GARNL3: variants seen among roughly 807,000 people sequenced by gnomAD.
GARNL3 encodes GTPase-activating Rap/Ran-GAP domain-like protein 3.
In GARNL3, 63 loss-of-function variants were observed where a neutral mutation model predicts 125.0. The ratio of observed to expected loss-of-function variants is 0.50; its 90% CI spans 0.41 to 0.62. The LOEUF is 0.62. Ranked by LOEUF, GARNL3 falls within the 20% of genes least tolerant of loss-of-function variation. The probability of loss-of-function intolerance (pLI) is 0.00; values close to 1 mark genes in which losing one functional copy is unlikely to be tolerated. For synonymous variants in GARNL3, 439 were observed against 457.5 expected (o/e 0.96, Z 0.52); for missense variants, 994 against 1,244.0 (o/e 0.80, Z 3.02).
intron 19 of GARNL3, among the ~76,000 whole-genome samples, 168 bp from the exon 20 acceptor site, chr9:127,355,129 C>G (rs1830619413): frequency 6.6e-6 from 1 of 152,208 alleles, no homozygotes; most frequent in African/African-American, 2.4e-5. Flanking sequence ...GTAACTCAAC[C>G]TAATTTTAAT....
chr9:127,340,571 C>G (rs1458103725), intron 13 of GARNL3, among the ~76,000 whole-genome samples: 3 of 151,408 alleles, frequency 2.0e-5, no homozygotes, highest in African/African-American at 7.3e-5. Context: ...CTGTCCCCAC[C>G]TGCAACTCCT....
intron 1 of GARNL3, among the ~76,000 whole-genome samples, chr9:127,267,882 T>C (rs2063737165): frequency 6.6e-6 from 1 of 152,210 alleles, no homozygotes; most frequent in South Asian, 2.1e-4. Context: ...ATTGAAATTT[T>C]AGCATGAACT....
rs75828652 is a variant in GARNL3, at chr9:127,311,813, T to C, written c.319+78T>C. On this transcript the variant is annotated intron_variant, in intron 3 of 27. Transcript: ENST00000373387. ...AGTGTTCATATAACTTCTGGTATCC[T>C]ATATGAGTGAAACTAGCCATTTTAG... is the stretch of plus-strand genomic sequence containing the variant. 1,223 of 975,684 alleles carry C rather than the reference T, an allele frequency of 1.3e-3. 12 individuals are homozygous for C. In the African/African-American group the frequency reaches 0.017, roughly 14 times the overall value. The allele number at this position is 975,684 out of a possible 1,614,324, so 60.4% of individuals were successfully genotyped here.
At chr9:127,243,325 A>G (rs1399374399) in intron 2 of GARNL3, 1 of 1,226,216 alleles carries the variant, frequency 8.2e-7, no homozygotes, top group Non-Finnish European at 1.1e-6. Context: ...ATGTTTAGGA[A>G]GAATATACTT....
chr9:127,340,322 A>T (rs1157493290), intron 13 of GARNL3, among the ~76,000 whole-genome samples: 1 of 152,152 alleles, frequency 6.6e-6, no homozygotes, highest in Non-Finnish European at 1.5e-5. Context: ...CTGAGGCCAC[A>T]TCTCTTAAAG....
chr9:127,373,906 C>T (rs535971705), intron 22 of GARNL3, among the ~76,000 whole-genome samples: 5 of 152,128 alleles, frequency 3.3e-5, no homozygotes, highest in African/African-American at 7.2e-5. Context: ...CTTGGGAGAC[C>T]GAGGCACAAG....
rs528558239 is a variant in GARNL3, at chr9:127,332,454, C to T, written c.670+105C>T. The stretch of plus-strand genomic sequence containing the variant: ...GTCTGTTGAGTTGGAGTCTTTAATA[C>T]GAGGAGATAGTTTTACACAATTTCA... On this transcript the variant is annotated intron_variant, in intron 8 of 27. Transcript: ENST00000373387. 3.6e-4 allele frequency: 301 copies of T among 840,098 alleles called. 2 individuals carry two copies. Among genetic ancestry groups the T allele is most frequent in the South Asian group, 6.1e-4 (40 of 65,058 alleles). 52.0% of individuals were successfully genotyped at this position (840,098 alleles called of 1,614,324 possible).
chr9:127,318,718 G>A (rs2065309787), intron 5 of GARNL3, among the ~76,000 whole-genome samples: 1 of 152,130 alleles, frequency 6.6e-6, no homozygotes. Flanking sequence ...CTCCCCTAGG[G>A]AATGCCGCCA....
chr9:127,384,981 G>A lies in GARNL3; in HGVS notation c.2270-46G>A. ...ATGACACAGTCACAGCCCCTTCGCG[G>A]CCACCAAGCCAGCAGCTGGGAGGTG... On this transcript the variant is annotated intron_variant, in intron 23 of 27. Coordinates refer to ENST00000373387, the MANE Select transcript of GARNL3 (RefSeq NM_032293.5). The surrounding 1 kb of genome is among the most constrained non-coding windows in gnomAD (Gnocchi z 4.0). 8.1e-7 allele frequency: 1 copy of A among 1,231,002 alleles called. No homozygotes were observed. The highest frequency in any genetic ancestry group is 1.2e-6 in the Non-Finnish European group (1 of 851,040). 76.3% of individuals were successfully genotyped at this position (1,231,002 alleles called of 1,614,324 possible).
intron 16 of GARNL3, among the ~76,000 whole-genome samples, chr9:127,348,292 C>T (rs1248041868): frequency 6.6e-6 from 1 of 152,158 alleles, no homozygotes; most frequent in African/African-American, 2.4e-5. Context: ...TAAGGCTCCC[C>T]CTTTATGCCT....
rs145176400 is a variant in GARNL3 at position 127,239,905 on chromosome 9, C to T, written c.-28-3174C>T. On this transcript the variant is annotated intron_variant, in intron 1 of 10. Transcript: ENST00000439286. Reference sequence around the variant, plus strand: ...GAGAGAAAAGGTTTAAAAAGGCTAGCCTTTCAAATTTTTAATAAAATCTTA... The same window carrying T: ...GAGAGAAAAGGTTTAAAAAGGCTAGTCTTTCAAATTTTTAATAAAATCTTA... Among the ~76,000 whole-genome samples the T allele has an allele frequency of 8.9e-3, 1,345 of 151,906 alleles. 27 individuals are homozygous for T. Among genetic ancestry groups the T allele is most frequent in the African/African-American group, 0.03 (1,255 of 41,400 alleles).
chr9:127,371,382 G>A lies in GARNL3; in HGVS notation c.2161+6016G>A, dbSNP rs149767171. ...CCTTCCTCTGCCTTCCTTCACGTAG[G>A]AAATCTCTATGTGATTTCCAGAGAT... On this transcript the variant is annotated intron_variant, in intron 22 of 27. Coordinates refer to ENST00000373387, the MANE Select transcript of GARNL3 (RefSeq NM_032293.5). 7.9e-5 allele frequency among the ~76,000 whole-genome samples: 12 copies of A among 152,244 alleles called. No individual in the cohort carries two copies. In the East Asian group the frequency reaches 2.3e-3, roughly 29 times the overall value.
intron 1 of GARNL3, among the ~76,000 whole-genome samples, chr9:127,231,050 A>ATATATATATATT (rs1161629810): frequency 1.8e-4 from 16 of 89,550 alleles, no homozygotes; most frequent in African/African-American, 1.2e-3. Context: ...ATATATATAT[A>ATATATATATATT]TTTTTTTTTT....
intron 1 of GARNL3, among the ~76,000 whole-genome samples, chr9:127,277,335 T>C (rs558650659): frequency 1.1e-4 from 16 of 151,678 alleles, no homozygotes; most frequent in African/African-American, 3.9e-4. Flanking sequence ...TCCTTGAGCT[T>C]CTGGCACTTT....
chr9:127,349,029 G>A lies in GARNL3; in HGVS notation c.1537G>A (p.Val513Met), dbSNP rs764625127. 2.1e-5 allele frequency: 33 copies of A among 1,609,076 alleles called. No individual in the cohort carries two copies. Among genetic ancestry groups the A allele is most frequent in the Non-Finnish European group, 2.7e-5 (32 of 1,175,518 alleles). The stretch of plus-strand genomic sequence containing the variant: ...TTCCACTGATGCTGGCGTCTTGCTA[G>A]TGGATGGTTAGTGAGTAGCTGCTCC... Reference protein sequence around the residue: ...LVSTDAGVLLVDDDLPSVPVF... With the variant: ...LVSTDAGVLLMDDDLPSVPVF... The change falls in exon 17 of 28, where the codon GTG (valine) becomes ATG (methionine). Residue 513 changes from valine (V) to methionine (M), a missense_variant. This residue lies in a region of GARNL3 where 728 missense variants were observed against 865.7 expected (regional missense o/e 0.84). Coordinates refer to ENST00000373387, the MANE Select transcript of GARNL3 (RefSeq NM_032293.5).
At chr9:127,260,079 T>A (rs1051065378), upstream of GARNL3, among the ~76,000 whole-genome samples, 1 of 152,146 alleles carries the variant, frequency 6.6e-6, no homozygotes, top group African/African-American at 2.4e-5. Flanking sequence ...GCTAAGTAGA[T>A]GATATTTTCA....
chr9:127,300,919 C>A, intron 2 of GARNL3: 1 of 223,538 alleles, frequency 4.5e-6, no homozygotes, highest in South Asian at 5.9e-5. Context: ...GCATCTAACT[C>A]GGCCCTGTTC....
intron 7 of GARNL3, among the ~76,000 whole-genome samples, chr9:127,328,535 C>A (rs1178555358): frequency 6.6e-6 from 1 of 152,070 alleles, no homozygotes; most frequent in African/African-American, 2.4e-5. Flanking sequence ...TAGAGAGGCA[C>A]CCCCACAAGA....
At chr9:127,262,068 A>G (rs1305740413), upstream of GARNL3, among the ~76,000 whole-genome samples, 1 of 152,140 alleles carries the variant, frequency 6.6e-6, no homozygotes, top group Admixed American at 6.6e-5. Flanking sequence ...TTTTGCTACC[A>G]TCTAATATAG....
Sources: allele counts gnomAD v4.1 joint callset (sites outside exome capture counted in the v4.1 genomes callset), GRCh38; gene constraint gnomAD v4.1.1; regional missense constraint gnomAD v4.1.1; non-coding constraint Gnocchi (gnomAD v3.1); transcripts MANE v1.5; gene names NCBI Gene and HGNC (gene_info 2026-07-23, HGNC 2026-07-21).